NUBPL: variants seen among roughly 807,000 people sequenced by gnomAD.
NUBPL encodes the protein iron-sulfur cluster transfer protein NUBPL.
A neutral mutation model predicts 45.7 loss-of-function variants in NUBPL; 31 were observed. That is an observed-to-expected ratio of 0.68 (90% confidence interval 0.51 to 0.92). The LOEUF (loss-of-function observed/expected upper bound fraction) is 0.92, where lower values mean the gene tolerates loss of function less well. Among genes scored for constraint, NUBPL ranks in the 40% least tolerant of loss-of-function variants. The pLI is 0.00. For synonymous variants in NUBPL, 144 were observed against 140.9 expected, an observed-to-expected ratio of 1.02 and a Z score of -0.15; for missense variants, 401 against 398.7, an observed-to-expected ratio of 1.01 and a Z score of -0.05.
intron 6 of NUBPL, among the ~76,000 whole-genome samples, chr14:31,708,955 G>A (rs767468230): frequency 3.9e-5 from 6 of 152,238 alleles, no homozygotes; most frequent in South Asian, 2.1e-4. Flanking sequence ...AAGCCCTACC[G>A]GGTGATTGGC....
intron 3 of NUBPL, chr14:31,577,971 C>T (rs2033760819): frequency 1.0e-5 from 13 of 1,288,926 alleles, no homozygotes; most frequent in South Asian, 6.2e-5. Flanking sequence ...TCGGGGACTG[C>T]GTCTTAAATC....
At chr14:31,773,848 G>A (rs151205428) in intron 6 of NUBPL, among the ~76,000 whole-genome samples, 25 of 152,262 alleles carry the variant, frequency 1.6e-4, no homozygotes, top group Admixed American at 1.3e-4. Context: ...AAGTCAAGTA[G>A]GCATGAGACT....
intron 6 of NUBPL, among the ~76,000 whole-genome samples, chr14:31,690,554 A>G (rs2037070367): frequency 6.6e-6 from 1 of 152,064 alleles, no homozygotes. Flanking sequence ...TATGCAGGAT[A>G]CTCTATGGAA....
chr14:31,785,908 C>T (rs561284426), intron 6 of NUBPL, among the ~76,000 whole-genome samples: 1 of 152,178 alleles, frequency 6.6e-6, no homozygotes, highest in African/African-American at 2.4e-5. Flanking sequence ...CCTGTAATCC[C>T]AGCACTTTGG....
At chr14:31,563,246 C>G (rs1328789829) in intron 2 of NUBPL, among the ~76,000 whole-genome samples, 2 of 152,106 alleles carry the variant, frequency 1.3e-5, no homozygotes, top group Non-Finnish European at 2.9e-5. Flanking sequence ...ATTACTTGAA[C>G]TGGATAAGGA....
intron 10 of NUBPL, among the ~76,000 whole-genome samples, chr14:31,851,738 A>T (rs1182888191): frequency 7.3e-6 from 1 of 136,208 alleles, no homozygotes; most frequent in East Asian, 1.9e-4. Context: ...TTCTTTGAAA[A>T]TTGAGGGTTT....
chr14:31,592,793 T>C (rs995851327), intron 3 of NUBPL, among the ~76,000 whole-genome samples: 3 of 152,134 alleles, frequency 2.0e-5, no homozygotes, highest in South Asian at 2.1e-4. Context: ...GCTACATATA[T>C]AGGTTGTTGG....
intron 6 of NUBPL, among the ~76,000 whole-genome samples, chr14:31,740,407 T>A (rs2038258138): frequency 6.6e-6 from 1 of 152,218 alleles, no homozygotes; most frequent in Non-Finnish European, 1.5e-5. Context: ...TGACATATAA[T>A]ATGAAACATC....
intron 6 of NUBPL, among the ~76,000 whole-genome samples, chr14:31,678,555 C>T (rs888512298): frequency 6.6e-6 from 1 of 152,314 alleles, no homozygotes; most frequent in African/African-American, 2.4e-5. Flanking sequence ...TATCGGGTTA[C>T]CTTCTGGCCC....
chr14:31,645,869 A>C (rs1405170504), intron 4 of NUBPL, among the ~76,000 whole-genome samples: 1 of 142,552 alleles, frequency 7.0e-6, no homozygotes, highest in Non-Finnish European at 1.5e-5. Flanking sequence ...TGTTTTCGAT[A>C]GATTTCTCTT....
At chr14:31,719,897 T>C (rs950790533) in intron 6 of NUBPL, among the ~76,000 whole-genome samples, 5 of 152,124 alleles carry the variant, frequency 3.3e-5, no homozygotes, top group Non-Finnish European at 7.4e-5. Context: ...GTCATGAACA[T>C]TTTACCCTGC....
chr14:31,841,518 T>A (rs2040368624), intron 8 of NUBPL, among the ~76,000 whole-genome samples: 2 of 151,100 alleles, frequency 1.3e-5, no homozygotes, highest in Non-Finnish European at 3.0e-5. Context: ...CTTTATACAT[T>A]ATGGGTAAAA....
At chr14:31,735,298 T>C (rs1400573234) in intron 6 of NUBPL, among the ~76,000 whole-genome samples, 1 of 152,164 alleles carries the variant, frequency 6.6e-6, no homozygotes, top group East Asian at 1.9e-4. Context: ...AGGAAGAACA[T>C]GGCAAAGTCA....
rs115298007 is a variant in NUBPL, at chr14:31,678,067, C to T, written c.513+4493C>T. ...CTTCTTTCCACAGGCAGAGGAGCCT[C>T]ACTCTGTGGCCACCAGCACTACAGA... On this transcript the variant is annotated intron_variant, in intron 6 of 10. Transcript: ENST00000281081. 6.0e-3 allele frequency among the ~76,000 whole-genome samples: 910 copies of T among 152,328 alleles called. 9 individuals carry two copies. The highest frequency in any genetic ancestry group is 0.02 in the African/African-American group (851 of 41,570).
At chr14:31,830,541 A>G (rs1424614323) in intron 8 of NUBPL, among the ~76,000 whole-genome samples, 2 of 152,186 alleles carry the variant, frequency 1.3e-5, no homozygotes, top group African/African-American at 2.4e-5. Flanking sequence ...CATTTTTAAC[A>G]TCTCTGCTCA....
At chr14:31,788,249 T>C (rs2039319859) in intron 7 of NUBPL, among the ~76,000 whole-genome samples, 1 of 152,084 alleles carries the variant, frequency 6.6e-6, no homozygotes, top group South Asian at 2.1e-4. Flanking sequence ...AAGGGTTAAG[T>C]AGTAGCAGAG....
chr14:31,678,738 G>A (rs2036759195), intron 6 of NUBPL, among the ~76,000 whole-genome samples: 2 of 152,200 alleles, frequency 1.3e-5, no homozygotes, highest in African/African-American at 4.8e-5. Context: ...GCCACGACCT[G>A]TGCAGCCTGG....
At chr14:31,610,798 G>A (rs1419395369) in intron 4 of NUBPL, among the ~76,000 whole-genome samples, 2 of 152,058 alleles carry the variant, frequency 1.3e-5, no homozygotes, top group Admixed American at 6.6e-5. Flanking sequence ...TTAATGTGAT[G>A]CAGTGTATCA....
chr14:31,636,644 G>A (rs1167362734), intron 4 of NUBPL, among the ~76,000 whole-genome samples: 3 of 152,102 alleles, frequency 2.0e-5, no homozygotes, highest in Non-Finnish European at 4.4e-5. Context: ...TCTATTGATT[G>A]GAATAGTTTC....
Sources: gnomAD v4.1 joint callset for allele counts (sites outside exome capture counted in the v4.1 genomes callset) on GRCh38, gnomAD v4.1.1 for gene constraint, MANE v1.5 for transcripts, NCBI Gene and HGNC (gene_info 2026-07-23, HGNC 2026-07-21) for gene names.